Variants in GRIN1 observed in about 807,000 individuals in gnomAD.
The protein encoded by GRIN1 is glutamate receptor ionotropic, NMDA 1.
A neutral mutation model predicts 103.0 loss-of-function variants in GRIN1; 38 were observed. That is an observed-to-expected ratio of 0.37 (90% CI 0.28 to 0.48). GRIN1 has a LOEUF of 0.48. GRIN1 is among the 20% of genes least tolerant of loss of function. The pLI, the probability that GRIN1 is intolerant of heterozygous loss-of-function variation, is 0.98. For synonymous variants in GRIN1, 544 were observed against 532.7 expected (o/e 1.02, Z -0.29); for missense variants, 577 against 1,288.9 (o/e 0.45, Z 8.46).
chr9:137,164,170 A>G, intron 18 of GRIN1: 1 of 532,456 alleles, frequency 1.9e-6, no homozygotes. Flanking sequence ...CTCTGTCTCC[A>G]GAGTCGCCCG....
rs1021884513 is a variant in GRIN1, at chr9:137,139,878, C to T, written c.258+134C>T. 30 of 731,874 alleles carry T rather than the reference C, an allele frequency of 4.1e-5. No individual in the cohort carries two copies. The highest frequency in any genetic ancestry group is 6.9e-5 in the Non-Finnish European group (29 of 423,088). The allele number at this position is 731,874 out of a possible 1,614,324, so 45.3% of individuals were successfully genotyped here. A position where few individuals can be genotyped will look rare whatever the true frequency, so the allele number is the denominator to read the frequency against. On this transcript the variant is annotated intron_variant, in intron 1 of 19. Transcript: ENST00000371561. The surrounding 1 kb of genome is among the most constrained non-coding windows in gnomAD (Gnocchi z 7.7). ...CACCCCAGAGTCAGCTGGCTGCTTCCGGGAGGCCTCGTCTCACTAGGAACC... is the reference window on the plus strand; with the variant it reads ...CACCCCAGAGTCAGCTGGCTGCTTCTGGGAGGCCTCGTCTCACTAGGAACC...
At chr9:137,144,428 G>A (rs977489077) in intron 2 of GRIN1, among the ~76,000 whole-genome samples, 2 of 151,898 alleles carry the variant, frequency 1.3e-5, no homozygotes, top group Non-Finnish European at 2.9e-5. Flanking sequence ...GCCGAGGCGG[G>A]CGGATCACGA....
Position 137,151,151 on chromosome 9 carries a change from T to TCCCGCCCAGGGAAAGC in GRIN1, c.671+2058_671+2073dup, listed in dbSNP as rs1173938093. ...CGGGGAAAGCCCTGCCCAGAAAAAG[T>TCCCGCCCAGGGAAAGC]CCCGCCCAGGGAAAGCCCCGCCCAG... On this transcript the variant is annotated intron_variant, in intron 4 of 19. Transcript: ENST00000371561. Among the ~76,000 whole-genome samples the TCCCGCCCAGGGAAAGC allele has an allele frequency of 2.5e-3, 72 of 28,606 alleles. 1 individual carries two copies. The highest frequency in any genetic ancestry group is 9.7e-3 in the African/African-American group (67 of 6,936). The allele number at this position is 28,606 out of a possible 152,430, so 18.8% of individuals were successfully genotyped here.
In GRIN1 at chr9:137,162,746, C is replaced by T. The variant is rs1276192584; in HGVS notation, c.2013+7C>T. On this transcript the variant is annotated splice_region_variant and intron_variant, in intron 14 of 19. Transcript: ENST00000371561. ...GGGCATCAACGACCCTCGGGTGAGG[C>T]CTGGCCGGGCTGGGGGAGGGAATGC... is the stretch of plus-strand genomic sequence containing the variant. 5 of 1,602,830 alleles carry T rather than the reference C, an allele frequency of 3.1e-6. No homozygotes were observed. Among genetic ancestry groups the T allele is most frequent in the Non-Finnish European group, 4.3e-6 (5 of 1,175,424 alleles).
intron 15 of GRIN1, 75 bp from the exon 16 acceptor site, chr9:137,163,094 C>A: frequency 6.3e-7 from 1 of 1,582,306 alleles, no homozygotes; most frequent in Admixed American, 1.8e-5. Flanking sequence ...CCGGGCCGGG[C>A]ACCCCGGAGG....
chr9:137,150,885 A>G (rs1427960633), intron 4 of GRIN1, among the ~76,000 whole-genome samples: 2 of 137,724 alleles, frequency 1.5e-5, no homozygotes, highest in African/African-American at 2.8e-5. Flanking sequence ...CCGCCCATAA[A>G]AAAGCCCCGC....
In GRIN1 at chr9:137,162,633, G is replaced by A; in HGVS notation, c.1907G>A (p.Trp636Ter). 6.2e-7 allele frequency: 1 copy of A among 1,612,726 alleles called. No individual in the cohort carries two copies. Among genetic ancestry groups the A allele is most frequent in the Non-Finnish European group, 8.5e-7 (1 of 1,179,782 alleles). ...TCAGCGCGCATCCTGGGCATGGTGT[G>A]GGCCGGCTTTGCCATGATCATCGTG... Reference protein sequence around the residue: ...SFSARILGMVWAGFAMIIVAS... With the variant: ...SFSARILGMV Residue 636 changes from tryptophan (W) to a stop codon, truncating the protein, a stop_gained, in exon 14 of 20, where the codon TGG (tryptophan) becomes TAG (stop). Transcript: ENST00000371561. LOFTEE classifies it high-confidence loss of function.
At chr9:137,163,476 GCCCC>G in intron 16 of GRIN1, 79 bp from the exon 17 acceptor site, 4 of 1,338,064 alleles carry the variant, frequency 3.0e-6, no homozygotes, top group Non-Finnish European at 3.2e-6. Flanking sequence ...TACCCCGCAG[GCCCC>G]GCCCCGGCCC....
rs1564340685 is a variant in GRIN1 at position 137,142,122 on chromosome 9, C to A, written c.368C>A (p.Thr123Asn). 2 of 1,614,088 alleles carry A rather than the reference C, an allele frequency of 1.2e-6. No individual in the cohort carries two copies. Among genetic ancestry groups the A allele is most frequent in the Admixed American group, 1.7e-5 (1 of 60,014 alleles). ...CGCATACCCGTGCTGGGGCTGACCA[C>A]CCGCATGTCCATCTACTCGGACAAG... ...FYRIPVLGLT[T>N]RMSIYSDKSI... is the part of the protein sequence containing the mutation. Residue 123 changes from threonine (T) to asparagine (N), a missense_variant, in exon 2 of 20, where the codon ACC becomes AAC. Physicochemically the swap from Thr to Asn is moderately conservative, Grantham distance 65 (BLOSUM62 0). Transcript: ENST00000371561.
intron 8 of GRIN1, among the ~76,000 whole-genome samples, chr9:137,159,347 A>G (rs1366410668): frequency 1.3e-5 from 2 of 152,120 alleles, no homozygotes; most frequent in Non-Finnish European, 2.9e-5. Context: ...CGACACGCCC[A>G]CCAACCTTCT....
Position 137,168,156 on chromosome 9 carries a change from C to A in GRIN1, c.*629C>A. 2.1e-6 allele frequency: 1 copy of A among 482,444 alleles called. No individual in the cohort carries two copies. Among genetic ancestry groups the A allele is most frequent in the Non-Finnish European group, 3.7e-6 (1 of 267,640 alleles). The allele number at this position is 482,444 out of a possible 1,614,324, so 29.9% of individuals were successfully genotyped here. A position where few individuals can be genotyped will look rare whatever the true frequency, so the allele number is the denominator to read the frequency against. On this transcript the variant is annotated 3_prime_UTR_variant, in exon 20 of 20. Transcript: ENST00000371561. Reference sequence around the variant, plus strand: ...TGGCCCCAGGCGGAGGGGCTTGGAGCAGAGACGGCAGCCCCATCCTTCCCG... The same window carrying A: ...TGGCCCCAGGCGGAGGGGCTTGGAGAAGAGACGGCAGCCCCATCCTTCCCG...
Position 137,168,308 on chromosome 9 carries a change from A to C in GRIN1, c.*781A>C. 2 of 196,296 alleles carry C rather than the reference A, an allele frequency of 1.0e-5. No homozygotes were observed. The highest frequency in any genetic ancestry group is 7.9e-5 in the South Asian group (1 of 12,590). The allele number at this position is 196,296 out of a possible 1,614,324, so 12.2% of individuals were successfully genotyped here. The stretch of plus-strand genomic sequence containing the variant: ...TCTTCTTGCGGCACCGCCCACCCAC[A>C]CCCCGTCTGCCCCTTGACCCCACAC... On this transcript the variant is annotated 3_prime_UTR_variant, in exon 20 of 20. Coordinates refer to ENST00000371561, the MANE Select transcript of GRIN1 (RefSeq NM_007327.4).
Position 137,146,009 on chromosome 9 carries a change from G to T in GRIN1, c.570+107G>T. 1.2e-6 allele frequency: 1 copy of T among 826,712 alleles called. No homozygotes were observed. Among genetic ancestry groups the T allele is most frequent in the South Asian group, 1.5e-5 (1 of 64,642 alleles). 51.2% of individuals were successfully genotyped at this position (826,712 alleles called of 1,614,324 possible). A position where few individuals can be genotyped will look rare whatever the true frequency, so the allele number is the denominator to read the frequency against. On this transcript the variant is annotated intron_variant, in intron 3 of 19. Coordinates refer to ENST00000371561, the MANE Select transcript of GRIN1 (RefSeq NM_007327.4). This position sits in a 1 kb window ranked among gnomAD's most constrained non-coding sequence, Gnocchi z 6.7. The stretch of plus-strand genomic sequence containing the variant: ...ACACCCTCTTCTTTCCATCGTGCAT[G>T]GTCAGCACCACCACGTCTGGCGAGC...
chr9:137,163,134 G>A (rs1438965874), intron 15 of GRIN1, 35 bp from the exon 16 acceptor site: 3 of 1,609,132 alleles, frequency 1.9e-6, no homozygotes, highest in Middle Eastern at 1.7e-4. Flanking sequence ...AGGCTGGCAG[G>A]ACCAAGGCCC....
intron 8 of GRIN1, among the ~76,000 whole-genome samples, chr9:137,159,864 G>T (rs113910165): frequency 2.6e-5 from 4 of 152,132 alleles, no homozygotes; most frequent in African/African-American, 9.7e-5. Flanking sequence ...AGGACATGCC[G>T]GGAGGGTGCC....
chr9:137,160,436 C>CTTTTTTTTTT (rs563443845), intron 8 of GRIN1, among the ~76,000 whole-genome samples: 2 of 147,740 alleles, frequency 1.4e-5, no homozygotes, highest in African/African-American at 4.9e-5. Context: ...GGAATCATGT[C>CTTTTTTTTTT]TTTTTTTTTT....
chr9:137,156,617 G>T, intron 4 of GRIN1, 52 bp from the exon 5 acceptor site: 1 of 1,581,238 alleles, frequency 6.3e-7, no homozygotes, highest in Non-Finnish European at 8.6e-7. Context: ...CCTGCGGAGC[G>T]CCGCGGTGGG....
chr9:137,149,414 C>G (rs1183908284), intron 4 of GRIN1, among the ~76,000 whole-genome samples: 1 of 152,236 alleles, frequency 6.6e-6, no homozygotes, highest in Middle Eastern at 3.2e-3. Context: ...GGAAGCCCCG[C>G]AACTCAAGGG....
In GRIN1 at chr9:137,164,270, T is replaced by A. The variant is rs549082412; in HGVS notation, c.2589+366T>A. On this transcript the variant is annotated intron_variant, in intron 18 of 19. Coordinates refer to ENST00000371561, the MANE Select transcript of GRIN1 (RefSeq NM_007327.4). ...CGTGAGTCCAAGATGCATTTTGCCC[T>A]CCGCCGACCCAAGCCCCTTGACACC... The A allele has an allele frequency of 2.2e-5, 8 of 359,960 alleles. No individual in the cohort carries two copies. The Admixed American group carries it at 2.4e-4, about 11-fold the overall frequency. The allele number at this position is 359,960 out of a possible 1,614,324, so 22.3% of individuals were successfully genotyped here.
Sources: gnomAD v4.1 joint callset for allele counts (sites outside exome capture counted in the v4.1 genomes callset) on GRCh38, gnomAD v4.1.1 for gene constraint, Gnocchi (gnomAD v3.1) non-coding constraint, MANE v1.5 for transcripts, NCBI Gene and HGNC (gene_info 2026-07-23, HGNC 2026-07-21) for gene names.